The following CNTN6 variants were observed in gnomAD, a reference collection of about 807,000 sequenced individuals.
The protein encoded by CNTN6 is contactin 6, also known as contactin-6.
CNTN6 carries 137 observed loss-of-function variants against 122.8 expected under a neutral mutation model. That is an observed-to-expected ratio of 1.12 (90% confidence interval 0.97 to 1.29). The LOEUF is 1.29. Among genes scored for constraint, CNTN6 ranks in the 50% most tolerant of loss-of-function variants. The probability of loss-of-function intolerance (pLI) is 0.00; values close to 1 mark genes in which losing one functional copy is unlikely to be tolerated. For synonymous variants in CNTN6, 570 were observed against 426.0 expected (o/e 1.34, Z -4.16); for missense variants, 1,634 against 1,223.4 (o/e 1.34, Z -5.01).
intron 4 of CNTN6, among the ~76,000 whole-genome samples, chr3:1,265,727 C>G (rs978559976): frequency 7.9e-5 from 12 of 152,142 alleles, no homozygotes; most frequent in Admixed American, 7.2e-4. Context: ...CTTTGGTTGT[C>G]TCAAAGATGT....
chr3:1,394,250 G>T, intron 20 of CNTN6: 1 of 235,898 alleles, frequency 4.2e-6, no homozygotes, highest in Admixed American at 5.4e-5. Flanking sequence ...CCACTGCCAG[G>T]AACAAGACAG....
chr3:1,195,503 T>C (rs1439730648), intron 2 of CNTN6, among the ~76,000 whole-genome samples: 1 of 152,182 alleles, frequency 6.6e-6, no homozygotes, highest in Non-Finnish European at 1.5e-5. Context: ...AAATTCCCCC[T>C]GTTCCTTAGA....
intron 4 of CNTN6, among the ~76,000 whole-genome samples, chr3:1,233,882 A>G (rs778965905): frequency 2.8e-4 from 42 of 152,150 alleles, no homozygotes; most frequent in Admixed American, 1.5e-3. Flanking sequence ...AGTTTTTATC[A>G]TATACAATGG....
chr3:1,265,734 A>G (rs2094916415), intron 4 of CNTN6, among the ~76,000 whole-genome samples: 1 of 152,230 alleles, frequency 6.6e-6, no homozygotes, highest in East Asian at 1.9e-4. Flanking sequence ...TGTCTCAAAG[A>G]TGTCTTGTCT....
chr3:1,344,682 T>G (rs191163116), intron 11 of CNTN6, among the ~76,000 whole-genome samples: 1 of 152,212 alleles, frequency 6.6e-6, no homozygotes, highest in African/African-American at 2.4e-5. Flanking sequence ...GTTTCCTCTT[T>G]GGGACTCACA....
chr3:1,199,512 A>G (rs917091466), intron 2 of CNTN6, among the ~76,000 whole-genome samples: 1 of 152,080 alleles, frequency 6.6e-6, no homozygotes, highest in South Asian at 2.1e-4. Flanking sequence ...TAGTTTGCCA[A>G]AATTGGTTGC....
intron 16 of CNTN6, among the ~76,000 whole-genome samples, chr3:1,374,944 C>T (rs892777128): frequency 6.6e-6 from 1 of 152,032 alleles, no homozygotes; most frequent in Admixed American, 6.6e-5. Flanking sequence ...AAGCTTACAG[C>T]TGAGAGGAAA....
intron 5 of CNTN6, among the ~76,000 whole-genome samples, chr3:1,282,313 A>T (rs566829013): frequency 6.6e-6 from 1 of 152,326 alleles, no homozygotes; most frequent in Non-Finnish European, 1.5e-5. Flanking sequence ...TCCTCTAGAA[A>T]GGAAGGGTTT....
intron 7 of CNTN6, among the ~76,000 whole-genome samples, chr3:1,301,876 A>G (rs946435965): frequency 1.3e-5 from 2 of 152,226 alleles, no homozygotes; most frequent in African/African-American, 4.8e-5. Flanking sequence ...GTTACTACCA[A>G]AAAGAATTTT....
Position 1,206,911 on chromosome 3 carries a change from C to T in CNTN6, c.56-13776C>T, listed in dbSNP as rs576908654. On this transcript the variant is annotated intron_variant, in intron 2 of 22. Coordinates refer to ENST00000446702, the MANE Select transcript of CNTN6 (RefSeq NM_001289080.2). ...ACTCCTACAACATTGGCTATTGTTC[C>T]TCAGTCCCTTTACTGGTTCCTCCTC... Among the ~76,000 whole-genome samples the T allele has an allele frequency of 3.3e-4, 50 of 152,242 alleles. No homozygotes were observed. In the South Asian group the frequency reaches 9.9e-3, roughly 30 times the overall value.
rs577983753 is a variant in CNTN6, at chr3:1,240,464, C to T, written c.358+12471C>T. On this transcript the variant is annotated intron_variant, in intron 4 of 22. Transcript: ENST00000446702. ...TTATCAGAAAAATGTAAATCAAAAC[C>T]ACAATGCAATACGACCTCCCTCCTG... Among the ~76,000 whole-genome samples the T allele has an allele frequency of 1.6e-4, 24 of 152,136 alleles. 2 individuals carry two copies. The South Asian group carries it at 4.8e-3, about 30-fold the overall frequency.
intron 1 of CNTN6, among the ~76,000 whole-genome samples, chr3:1,113,136 A>G (rs910819921): frequency 6.6e-6 from 1 of 152,178 alleles, no homozygotes; most frequent in African/African-American, 2.4e-5. Context: ...CAGGCAAATG[A>G]TAAGAGATGA....
intron 1 of CNTN6, among the ~76,000 whole-genome samples, chr3:1,097,040 ATGT>A (rs1178749088): frequency 6.6e-6 from 1 of 152,188 alleles, no homozygotes; most frequent in Admixed American, 6.5e-5. Flanking sequence ...TTTTATTAGA[ATGT>A]TGTTATTCTC....
intron 7 of CNTN6, among the ~76,000 whole-genome samples, chr3:1,320,644 A>G (rs1258250382): frequency 1.3e-5 from 2 of 151,784 alleles, no homozygotes; most frequent in African/African-American, 4.8e-5. Context: ...AAAATCTATA[A>G]GGGAATGAAG....
At chr3:1,296,409 C>T (rs142696433) in intron 6 of CNTN6, among the ~76,000 whole-genome samples, 7 of 152,226 alleles carry the variant, frequency 4.6e-5, no homozygotes, top group Non-Finnish European at 7.4e-5. Flanking sequence ...TTAGTCAAGT[C>T]ATGGCTGGTA....
intron 11 of CNTN6, among the ~76,000 whole-genome samples, chr3:1,343,280 A>G (rs571738754): frequency 1.1e-4 from 16 of 152,240 alleles, no homozygotes; most frequent in African/African-American, 3.6e-4. Flanking sequence ...TAGGAAGTCA[A>G]AAGTTACAGG....
Position 1,125,954 on chromosome 3 carries a change from A to G in CNTN6, c.-82-21973A>G, listed in dbSNP as rs183255979. Among the ~76,000 whole-genome samples, 8 of 151,986 alleles carry G rather than the reference A, an allele frequency of 5.3e-5. 1 individual carries two copies. The highest frequency in any genetic ancestry group is 1.9e-4 in the African/African-American group (8 of 41,502). ...TTGCTTTTAGTTTCAGTTTGGCTTT[A>G]GTTTGGATTTATATTTCACAGGATT... On this transcript the variant is annotated intron_variant, in intron 1 of 22. Transcript: ENST00000446702.
intron 4 of CNTN6, among the ~76,000 whole-genome samples, chr3:1,237,086 G>GA (rs1291833598): frequency 2.8e-5 from 4 of 140,620 alleles, no homozygotes; most frequent in Middle Eastern, 3.2e-3. Context: ...GTTTCAAAAA[G>GA]AAAAAAAAAG....
chr3:1,303,712 T>G (rs575196592), intron 7 of CNTN6, among the ~76,000 whole-genome samples: 1 of 152,162 alleles, frequency 6.6e-6, no homozygotes, highest in Non-Finnish European at 1.5e-5. Context: ...TGTTTGGATA[T>G]CTAGTAATTT....
Sources: allele counts gnomAD v4.1 joint callset (sites outside exome capture counted in the v4.1 genomes callset), GRCh38; gene constraint gnomAD v4.1.1; transcripts MANE v1.5; gene names NCBI Gene and HGNC (gene_info 2026-07-23, HGNC 2026-07-21).